Variants in C12orf75 observed in about 807,000 individuals in gnomAD.
The protein encoded by C12orf75 is overexpressed in colon carcinoma 1 protein.
In C12orf75, 4 loss-of-function variants were observed where a neutral mutation model predicts 11.4. That is an observed-to-expected ratio of 0.35 (90% CI 0.17 to 0.80). C12orf75 has a LOEUF of 0.80. C12orf75 is among the 30% of genes least tolerant of loss of function. The pLI, the probability that C12orf75 is intolerant of heterozygous loss-of-function variation, is 0.52. For missense variants in C12orf75, 89 were observed against 80.4 expected (o/e 1.11, Z -0.41); for synonymous variants, 30 against 30.0 (o/e 1.00, Z 0.00).
chr12:105,342,722 C>T (rs1242693603), intron 1 of C12orf75, among the ~76,000 whole-genome samples: 2 of 152,188 alleles, frequency 1.3e-5, no homozygotes, highest in Non-Finnish European at 2.9e-5. Context: ...CAAGAGTCAT[C>T]TCATTAGAAG....
At chr12:105,348,418 CAAAAAAA>C (rs35593271) in intron 1 of C12orf75, among the ~76,000 whole-genome samples, 177 bp from the exon 2 acceptor site, 3 of 116,112 alleles carry the variant, frequency 2.6e-5, no homozygotes, top group African/African-American at 9.5e-5. Context: ...GTATCTGAAA[CAAAAAAA>C]AAAAAAAAAA....
At chr12:105,367,566 G>A (rs143873483) in intron 5 of C12orf75, 57 bp downstream of exon 5, 135 of 433,716 alleles carry the variant, frequency 3.1e-4, no homozygotes, top group African/African-American at 2.4e-3. Flanking sequence ...TGAATGGACT[G>A]TAGATATTAT....
In C12orf75 at chr12:105,370,849, A is replaced by G; in HGVS notation, c.*249A>G. 1 of 387,402 alleles carries G rather than the reference A, an allele frequency of 2.6e-6. No individual in the cohort carries two copies. The highest frequency in any genetic ancestry group is 2.0e-5 in the South Asian group (1 of 51,112). 24.0% of individuals were successfully genotyped at this position (387,402 alleles called of 1,614,324 possible). Reference sequence around the variant, plus strand: ...AACTTTCTGTGGCCACCTACGAAAGACAAGTTAACAAACTGTCATGGAGGC... The same window carrying G: ...AACTTTCTGTGGCCACCTACGAAAGGCAAGTTAACAAACTGTCATGGAGGC... On this transcript the variant is annotated 3_prime_UTR_variant, in exon 6 of 6. Transcript: ENST00000443585.
chr12:105,353,745 A>G (rs1374452774), intron 2 of C12orf75, among the ~76,000 whole-genome samples: 1 of 152,228 alleles, frequency 6.6e-6, no homozygotes, highest in Non-Finnish European at 1.5e-5. Context: ...AAATAAGTTG[A>G]CTCAAATATA....
chr12:105,359,714 T>G (rs1037693063), intron 2 of C12orf75, among the ~76,000 whole-genome samples: 9 of 144,588 alleles, frequency 6.2e-5, no homozygotes, highest in Non-Finnish European at 1.3e-4. Context: ...GAGGTTCCAG[T>G]GAACTGAGAT....
At chr12:105,341,087 A>T (rs576357103) in intron 1 of C12orf75, among the ~76,000 whole-genome samples, 1 of 152,252 alleles carries the variant, frequency 6.6e-6, no homozygotes, top group Non-Finnish European at 1.5e-5. Context: ...AACGAAGACA[A>T]TATTTTTCTG....
intron 2 of C12orf75, among the ~76,000 whole-genome samples, chr12:105,358,919 A>G (rs1193445949): frequency 1.3e-5 from 2 of 152,154 alleles, no homozygotes; most frequent in Admixed American, 1.3e-4. Flanking sequence ...TGTAAAGCGG[A>G]TGATGTTTCG....
intron 1 of C12orf75, among the ~76,000 whole-genome samples, chr12:105,339,895 C>T (rs1892546301): frequency 6.6e-6 from 1 of 152,052 alleles, no homozygotes; most frequent in African/African-American, 2.4e-5. Flanking sequence ...GCTGGGATTA[C>T]AGGCGTGAGC....
At chr12:105,352,778 G>A (rs1892729351) in intron 2 of C12orf75, among the ~76,000 whole-genome samples, 1 of 152,150 alleles carries the variant, frequency 6.6e-6, no homozygotes, top group Non-Finnish European at 1.5e-5. Flanking sequence ...ACAGGCTAGA[G>A]AACTCAAAAC....
intron 2 of C12orf75, among the ~76,000 whole-genome samples, chr12:105,362,028 A>C (rs564756411): frequency 1.3e-4 from 20 of 152,362 alleles, no homozygotes; most frequent in Non-Finnish European, 2.9e-4. Context: ...TCTCATGCTG[A>C]TGAAACAGAC....
intron 2 of C12orf75, among the ~76,000 whole-genome samples, chr12:105,349,697 G>A (rs1485433972): frequency 6.6e-6 from 1 of 151,900 alleles, no homozygotes; most frequent in Non-Finnish European, 1.5e-5. Flanking sequence ...CCAACATGGT[G>A]AAACCCTGTC....
At chr12:105,362,141 C>T (rs1458338965) in intron 2 of C12orf75, among the ~76,000 whole-genome samples, 1 of 152,030 alleles carries the variant, frequency 6.6e-6, no homozygotes, top group Non-Finnish European at 1.5e-5. Context: ...AATCCCAGCA[C>T]TTTGGGAGGC....
rs1892411549 is a variant in C12orf75, at chr12:105,330,849, C to G, written c.-43C>G. 8.0e-7 allele frequency: 1 copy of G among 1,249,296 alleles called. No individual in the cohort carries two copies. The highest frequency in any genetic ancestry group is 1.0e-6 in the Non-Finnish European group (1 of 998,290). The allele number at this position is 1,249,296 out of a possible 1,614,324, so 77.4% of individuals were successfully genotyped here. On this transcript the variant is annotated 5_prime_UTR_variant, in exon 1 of 6. Coordinates refer to ENST00000443585, the MANE Select transcript of C12orf75 (RefSeq NM_001145199.2). Reference sequence around the variant, plus strand: ...TCTGGGTCTCCGCCCCCAGGACCCGCGGCCGAGAGCTCCGGAGCGCGGCTT... The same window carrying G: ...TCTGGGTCTCCGCCCCCAGGACCCGGGGCCGAGAGCTCCGGAGCGCGGCTT...
chr12:105,348,282 G>C (rs746351732), intron 1 of C12orf75, among the ~76,000 whole-genome samples: 2 of 152,092 alleles, frequency 1.3e-5, no homozygotes, highest in South Asian at 2.1e-4. Context: ...AGGCATGGTG[G>C]TATGCACCTG....
At chr12:105,365,731 C>T in intron 2 of C12orf75, 76 bp from the exon 3 acceptor site, 1 of 1,036,176 alleles carries the variant, frequency 9.7e-7, no homozygotes, top group Middle Eastern at 2.0e-4. Context: ...TCAGTAGTCC[C>T]TTTTTCTCAT....
At position 105,370,672 on chromosome 12, in the gene C12orf75, C is replaced by G; in HGVS notation, c.*72C>G. 2.2e-6 allele frequency: 1 copy of G among 457,626 alleles called. No homozygotes were observed. The highest frequency in any genetic ancestry group is 1.5e-5 in the South Asian group (1 of 64,560). The allele number at this position is 457,626 out of a possible 1,614,324, so 28.3% of individuals were successfully genotyped here. A position where few individuals can be genotyped will look rare whatever the true frequency, so the allele number is the denominator to read the frequency against. Reference sequence around the variant, plus strand: ...TTGGAAGGAATTTGGCTCCGTGGGACGTTGTAATGTGCACAGACATTTCCA... The same window carrying G: ...TTGGAAGGAATTTGGCTCCGTGGGAGGTTGTAATGTGCACAGACATTTCCA... On this transcript the variant is annotated 3_prime_UTR_variant, in exon 6 of 6. Coordinates refer to ENST00000443585, the MANE Select transcript of C12orf75 (RefSeq NM_001145199.2).
rs1871508815 is a variant in C12orf75, at chr12:105,367,519, A to G, written c.*33+10A>G. ...ACTCAAGAATCAAGAGGTGCTGTAT[A>G]TTTTTCTAAATAATTCTATATATTT... On this transcript the variant is annotated intron_variant, in intron 5 of 5. Coordinates refer to ENST00000443585, the MANE Select transcript of C12orf75 (RefSeq NM_001145199.2). 2.8e-6 allele frequency: 2 copies of G among 726,770 alleles called. No homozygotes were observed. The highest frequency in any genetic ancestry group is 6.1e-5 in the East Asian group (2 of 32,710). 45.0% of individuals were successfully genotyped at this position (726,770 alleles called of 1,614,324 possible).
Position 105,337,118 on chromosome 12 carries a change from G to A in C12orf75, c.46+6181G>A, listed in dbSNP as rs546028014. Reference sequence around the variant, plus strand: ...GCAGGTGGATCACCTGACGTCAGGAGTTTGAGACCAGCCTGGCTGACATGG... The same window carrying A: ...GCAGGTGGATCACCTGACGTCAGGAATTTGAGACCAGCCTGGCTGACATGG... On this transcript the variant is annotated intron_variant, in intron 1 of 5. Transcript: ENST00000443585. Among the ~76,000 whole-genome samples the A allele has an allele frequency of 9.2e-4, 140 of 152,240 alleles. 1 individual carries two copies. The highest frequency in any genetic ancestry group is 6.8e-3 in the Middle Eastern group (2 of 294).
intron 1 of C12orf75, among the ~76,000 whole-genome samples, chr12:105,340,097 G>C (rs552466827): frequency 6.6e-6 from 1 of 152,188 alleles, no homozygotes; most frequent in East Asian, 1.9e-4. Flanking sequence ...CCATCTGTCT[G>C]TAGGAACCAA....
Sources: allele counts gnomAD v4.1 joint callset (sites outside exome capture counted in the v4.1 genomes callset), GRCh38; gene constraint gnomAD v4.1.1; transcripts MANE v1.5; gene names NCBI Gene and HGNC (gene_info 2026-07-23, HGNC 2026-07-21).